Variants in SGSM1 observed in about 807,000 individuals in gnomAD.
The protein encoded by SGSM1 is RUN and TBC1 domain containing 2.
In SGSM1, 73 loss-of-function variants were observed where a neutral mutation model predicts 133.8. The ratio of observed to expected loss-of-function variants is 0.55; its 90% confidence interval spans 0.45 to 0.66. The LOEUF (loss-of-function observed/expected upper bound fraction) is 0.66. Among genes scored for constraint, SGSM1 ranks in the 30% least tolerant of loss-of-function variants. The pLI, the probability that SGSM1 is intolerant of heterozygous loss-of-function variation, is 0.00. For synonymous variants in SGSM1, 563 were observed against 573.0 expected (o/e 0.98, Z 0.25); for missense variants, 1,213 against 1,448.1 (o/e 0.84, Z 2.64).
At chr22:24,921,824 T>C (rs1934019215) in intron 24 of SGSM1, among the ~76,000 whole-genome samples, 1 of 151,906 alleles carries the variant, frequency 6.6e-6, no homozygotes, top group Admixed American at 6.6e-5. Context: ...CTCAGCCTCC[T>C]GAGTAGCTGG....
At chr22:24,855,776 A>G in intron 8 of SGSM1, 96 bp downstream of exon 8, 1 of 1,586,720 alleles carries the variant, frequency 6.3e-7, no homozygotes, top group South Asian at 1.1e-5. Flanking sequence ...CAATCCATTC[A>G]TCCATTTATG....
chr22:24,831,792 G>A (rs561162484), intron 2 of SGSM1, among the ~76,000 whole-genome samples: 7 of 152,302 alleles, frequency 4.6e-5, no homozygotes, highest in East Asian at 3.9e-4. Context: ...CAACCAGGCC[G>A]TCCTGTAATA....
chr22:24,828,317 C>T (rs979871607), intron 2 of SGSM1, among the ~76,000 whole-genome samples: 2 of 152,142 alleles, frequency 1.3e-5, no homozygotes, highest in Non-Finnish European at 2.9e-5. Flanking sequence ...TCAGTTTATA[C>T]ACCTTTAAAA....
At position 24,912,578 on chromosome 22, in the gene SGSM1, G is replaced by C. The variant is rs540214353; in HGVS notation, c.2819-65G>C. The C allele has an allele frequency of 2.8e-6, 3 of 1,089,666 alleles. No homozygotes were observed. In the South Asian group the frequency reaches 4.1e-5, roughly 15 times the overall value. The allele number at this position is 1,089,666 out of a possible 1,614,324, so 67.5% of individuals were successfully genotyped here. ...ATATTTCAACATGAGATTTGGAGAG[G>C]ACAAACATCTGAACCATATCACTTG... On this transcript the variant is annotated intron_variant, in intron 21 of 24. Coordinates refer to ENST00000400358, the MANE Select transcript of SGSM1 (RefSeq NM_001098497.3).
chr22:24,817,182 C>T (rs1601885720), intron 2 of SGSM1, among the ~76,000 whole-genome samples: 1 of 152,186 alleles, frequency 6.6e-6, no homozygotes, highest in African/African-American at 2.4e-5. Flanking sequence ...GGGAGGTATA[C>T]ACTCCTGTGC....
intron 2 of SGSM1, among the ~76,000 whole-genome samples, chr22:24,823,530 G>A (rs1403286292): frequency 1.3e-5 from 2 of 152,152 alleles, no homozygotes; most frequent in African/African-American, 4.8e-5. Flanking sequence ...GAACCTGGGA[G>A]GCGGAGCTTG....
chr22:24,915,677 C>T (rs557667149), intron 22 of SGSM1, among the ~76,000 whole-genome samples: 1 of 152,324 alleles, frequency 6.6e-6, no homozygotes, highest in African/African-American at 2.4e-5. Context: ...ATCCCTCAAG[C>T]ATTTATCCTT....
intron 2 of SGSM1, among the ~76,000 whole-genome samples, chr22:24,840,549 G>A (rs976794613): frequency 6.6e-6 from 1 of 151,088 alleles, no homozygotes; most frequent in Non-Finnish European, 1.5e-5. Flanking sequence ...CACCATGTTG[G>A]CCAGGCTGGT....
Position 24,842,442 on chromosome 22 carries a change from T to C in SGSM1, c.64-2455T>C, listed in dbSNP as rs145574579. Among the ~76,000 whole-genome samples the C allele has an allele frequency of 7.4e-4, 112 of 152,302 alleles. 1 individual carries two copies. Among genetic ancestry groups the C allele is most frequent in the African/African-American group, 2.6e-3 (110 of 41,554 alleles). ...GTTATAAGAAAATATATATTTTTTT[T>C]CAAATAAAATACTCTACCAAAGCCT... On this transcript the variant is annotated intron_variant, in intron 2 of 24. Coordinates refer to ENST00000400358, the MANE Select transcript of SGSM1 (RefSeq NM_001098497.3).
At chr22:24,816,724 T>TA (rs1199296493) in intron 2 of SGSM1, among the ~76,000 whole-genome samples, 5 of 152,182 alleles carry the variant, frequency 3.3e-5, no homozygotes, top group Admixed American at 2.6e-4. Context: ...GGTGCACCTA[T>TA]ATCCAGGGGC....
chr22:24,856,057 C>A (rs989890623), intron 8 of SGSM1: 22 of 401,688 alleles, frequency 5.5e-5, no homozygotes, highest in African/African-American at 4.5e-4. Context: ...ATCTATCCAT[C>A]CATCCATTTG....
intron 8 of SGSM1, among the ~76,000 whole-genome samples, chr22:24,856,327 G>A (rs1930784096): frequency 6.6e-6 from 1 of 152,160 alleles, no homozygotes; most frequent in Non-Finnish European, 1.5e-5. Context: ...TACTGTTATT[G>A]CGGGCCTCAG....
intron 21 of SGSM1, among the ~76,000 whole-genome samples, chr22:24,908,636 A>G (rs1933499729): frequency 6.6e-6 from 1 of 152,066 alleles, no homozygotes; most frequent in African/African-American, 2.4e-5. Flanking sequence ...CCCTGTCTCT[A>G]CTAAAAATAC....
At chr22:24,915,693 T>C (rs1218725428) in intron 22 of SGSM1, among the ~76,000 whole-genome samples, 3 of 152,236 alleles carry the variant, frequency 2.0e-5, no homozygotes, top group African/African-American at 7.2e-5. Context: ...TCCTTTGTGC[T>C]CCAAACAATC....
intron 2 of SGSM1, among the ~76,000 whole-genome samples, chr22:24,828,788 A>C (rs761141424): frequency 6.6e-6 from 1 of 152,264 alleles, no homozygotes; most frequent in Non-Finnish European, 1.5e-5. Context: ...TGTTCACTGC[A>C]GTACTATTCA....
rs1193852371 is a variant in SGSM1 at position 24,898,161 on chromosome 22, G to A, written c.2212G>A (p.Val738Ile). ...GCCCAGTCTGAGCACAGAAGACAGT[G>A]TCTTGGACGCCCAGCGGAACACCCC... is the stretch of plus-strand genomic sequence containing the variant. ...SEPSLSTEDS[V>I]LDAQRNTPTV... Residue 738 changes from valine to isoleucine, a missense_variant, in exon 19 of 25, where the codon GTC (valine) becomes ATC (isoleucine). Physicochemically the swap from Val to Ile is conservative, Grantham distance 29 (BLOSUM62 3). Transcript: ENST00000400358. 2 of 1,614,038 alleles carry A rather than the reference G, an allele frequency of 1.2e-6. No homozygotes were observed. The highest frequency in any genetic ancestry group is 8.5e-7 in the Non-Finnish European group (1 of 1,179,904).
chr22:24,828,054 G>T (rs1018590780), intron 2 of SGSM1, among the ~76,000 whole-genome samples: 1 of 152,016 alleles, frequency 6.6e-6, no homozygotes, highest in Non-Finnish European at 1.5e-5. Context: ...GGTGTGATTG[G>T]TGCAGTCTTG....
intron 8 of SGSM1, among the ~76,000 whole-genome samples, chr22:24,858,555 A>G (rs1930939039): frequency 6.6e-6 from 1 of 151,288 alleles, no homozygotes; most frequent in Non-Finnish European, 1.5e-5. Context: ...AGAATCACCT[A>G]AATCCGGGAA....
At chr22:24,854,244 C>T (rs1930647021) in intron 5 of SGSM1, among the ~76,000 whole-genome samples, 1 of 152,120 alleles carries the variant, frequency 6.6e-6, no homozygotes, top group South Asian at 2.1e-4. Flanking sequence ...GTTATCAAGG[C>T]AGGAAAGCCT....
Sources: allele counts gnomAD v4.1 joint callset (sites outside exome capture counted in the v4.1 genomes callset), GRCh38; gene constraint gnomAD v4.1.1; transcripts MANE v1.5; gene names NCBI Gene and HGNC (gene_info 2026-07-23, HGNC 2026-07-21).